Variants in TBX15 observed in about 807,000 individuals in gnomAD.
The protein encoded by TBX15 is T-box transcription factor 15, also known as T-box transcription factor TBX15.
In TBX15, 18 loss-of-function variants were observed where a neutral mutation model predicts 53.9. The ratio of observed to expected loss-of-function variants is 0.33; its 90% CI spans 0.23 to 0.49. The LOEUF (loss-of-function observed/expected upper bound fraction) is 0.49. Ranked by LOEUF, TBX15 falls within the 20% of genes least tolerant of loss-of-function variation. The pLI, the probability that TBX15 is intolerant of heterozygous loss-of-function variation, is 0.98. For synonymous variants in TBX15, 295 were observed against 278.0 expected, an observed-to-expected ratio of 1.06 and a Z score of -0.61; for missense variants, 692 against 749.5, an observed-to-expected ratio of 0.92 and a Z score of 0.90.
intron 1 of TBX15, among the ~76,000 whole-genome samples, chr1:118,966,902 C>T (rs1401805818): frequency 1.3e-5 from 2 of 152,152 alleles, no homozygotes; most frequent in African/African-American, 4.8e-5. Flanking sequence ...TGGAGAAAAG[C>T]CAGTGATTTG....
Position 118,914,150 on chromosome 1 carries a change from A to G in TBX15, c.891T>C (p.Pro297=). 1 of 1,613,794 alleles carries G rather than the reference A, an allele frequency of 6.2e-7. No homozygotes were observed. The highest frequency in any genetic ancestry group is 8.5e-7 in the Non-Finnish European group (1 of 1,179,774). The change falls in exon 6 of 8, where the codon CCT becomes CCC. Residue 297 remains proline (P), a synonymous_variant. Coordinates refer to ENST00000369429, the MANE Select transcript of TBX15 (RefSeq NM_001330677.2). ...CAGAATCTCTGAATCCTTTAGCAAA[A>G]GGGTTTCGGTCAATTTTTAATCTGG... ...QITRLKIDRN[P]FAKGFRDSGR... is the part of the protein sequence containing the mutation.
chr1:118,905,667 G>A (rs185918308), intron 6 of TBX15, among the ~76,000 whole-genome samples: 2 of 152,302 alleles, frequency 1.3e-5, no homozygotes, highest in East Asian at 1.9e-4. Flanking sequence ...CCCATGCCAG[G>A]GATAACAAAA....
At chr1:118,915,124 G>A (rs1467149382) in intron 5 of TBX15, among the ~76,000 whole-genome samples, 1 of 152,140 alleles carries the variant, frequency 6.6e-6, no homozygotes, top group Non-Finnish European at 1.5e-5. Context: ...GTACCTTTGT[G>A]TCTGAATTGT....
At chr1:118,896,762 T>C (rs1244426132) in intron 7 of TBX15, among the ~76,000 whole-genome samples, 1 of 152,184 alleles carries the variant, frequency 6.6e-6, no homozygotes, top group Non-Finnish European at 1.5e-5. Context: ...TTCTCTTCAT[T>C]CATGATACTG....
chr1:118,921,394 A>G (rs1230587226), intron 5 of TBX15, among the ~76,000 whole-genome samples: 1 of 152,198 alleles, frequency 6.6e-6, no homozygotes, highest in Non-Finnish European at 1.5e-5. Flanking sequence ...AATCGTGTTG[A>G]TTGCCTTGGT....
At chr1:118,963,728 A>G (rs1656951310) in intron 1 of TBX15, among the ~76,000 whole-genome samples, 1 of 152,206 alleles carries the variant, frequency 6.6e-6, no homozygotes, top group Admixed American at 6.5e-5. Context: ...GGTCTCAATT[A>G]ATGAACTCTT....
intron 5 of TBX15, among the ~76,000 whole-genome samples, chr1:118,922,039 G>T (rs1655440932): frequency 6.6e-6 from 1 of 152,164 alleles, no homozygotes; most frequent in Non-Finnish European, 1.5e-5. Flanking sequence ...AAGACCCGAG[G>T]TTATTTTGTA....
At chr1:118,901,302 A>G (rs527495584) in intron 6 of TBX15, 3 of 455,578 alleles carry the variant, frequency 6.6e-6, no homozygotes, top group Middle Eastern at 3.3e-4. Context: ...CAAGAGCAAG[A>G]GAGAAAGGCA....
chr1:118,978,300 T>A (rs1252590016), intron 1 of TBX15, among the ~76,000 whole-genome samples: 4 of 152,254 alleles, frequency 2.6e-5, no homozygotes, highest in African/African-American at 7.2e-5. Flanking sequence ...ACAACTGCAG[T>A]AAAATTCCTT....
intron 3 of TBX15, 87 bp from the exon 4 acceptor site, chr1:118,924,904 G>T: frequency 6.9e-7 from 1 of 1,457,844 alleles, no homozygotes; most frequent in South Asian, 1.1e-5. Context: ...CAGGGGAAAG[G>T]AGAGAAAAAC....
In TBX15 at chr1:118,884,708, G is replaced by T; in HGVS notation, c.*24C>A. On this transcript the variant is annotated 3_prime_UTR_variant, in exon 8 of 8. Coordinates refer to ENST00000369429, the MANE Select transcript of TBX15 (RefSeq NM_001330677.2). ...GACTCTGGGGCCTTGATTGCCAAAT[G>T]CTCCGTGGTGTTTGGACTGGCCTTT... 6.2e-7 allele frequency: 1 copy of T among 1,613,454 alleles called. No homozygotes were observed. Among genetic ancestry groups the T allele is most frequent in the Non-Finnish European group, 8.5e-7 (1 of 1,179,804 alleles).
At chr1:118,913,819 A>G (rs1447140732) in intron 6 of TBX15, among the ~76,000 whole-genome samples, 1 of 152,240 alleles carries the variant, frequency 6.6e-6, no homozygotes, top group Non-Finnish European at 1.5e-5. Context: ...GATACTTATC[A>G]GAGAAAAATG....
At chr1:118,972,657 G>A (rs1460477603) in intron 1 of TBX15, among the ~76,000 whole-genome samples, 3 of 151,986 alleles carry the variant, frequency 2.0e-5, no homozygotes, top group East Asian at 1.9e-4. Context: ...GGAGTGTAGC[G>A]GCGCAATCTC....
intron 1 of TBX15, among the ~76,000 whole-genome samples, chr1:118,974,578 T>A (rs186590827): frequency 6.6e-6 from 1 of 152,268 alleles, no homozygotes; most frequent in East Asian, 1.9e-4. Flanking sequence ...CAGAAAAGCA[T>A]GAAACCTGCT....
chr1:118,920,333 G>A (rs1177584708), intron 5 of TBX15, among the ~76,000 whole-genome samples: 2 of 152,222 alleles, frequency 1.3e-5, no homozygotes, highest in African/African-American at 2.4e-5. Context: ...GGAAGTGGTA[G>A]GGAATGGTAT....
chr1:118,979,993 G>A (rs1557908688), intron 1 of TBX15, among the ~76,000 whole-genome samples: 2 of 152,238 alleles, frequency 1.3e-5, no homozygotes, highest in Non-Finnish European at 2.9e-5. Flanking sequence ...CCGAGGGGCC[G>A]AGGGCGGGCA....
chr1:118,985,334 GT>G (rs1657795393), intron 1 of TBX15, among the ~76,000 whole-genome samples: 1 of 152,072 alleles, frequency 6.6e-6, no homozygotes, highest in Non-Finnish European at 1.5e-5. Context: ...CCCTGTGTGT[GT>G]TCGTTAGGGT....
chr1:118,886,280 GC>G (rs1226172522), intron 7 of TBX15, among the ~76,000 whole-genome samples: 1 of 152,152 alleles, frequency 6.6e-6, no homozygotes, highest in East Asian at 1.9e-4. Flanking sequence ...TGTAAATGGA[GC>G]CTTTGGAGTT....
intron 1 of TBX15, among the ~76,000 whole-genome samples, chr1:118,979,662 T>TG (rs1039033990): frequency 2.0e-5 from 3 of 152,202 alleles, no homozygotes; most frequent in African/African-American, 7.2e-5. Context: ...TTCTGTTTTT[T>TG]GGGGGGTGTC....
Sources: gnomAD v4.1 joint callset for allele counts (sites outside exome capture counted in the v4.1 genomes callset) on GRCh38, gnomAD v4.1.1 for gene constraint, MANE v1.5 for transcripts, NCBI Gene and HGNC (gene_info 2026-07-23, HGNC 2026-07-21) for gene names.